Variants in ZNF536 observed in about 807,000 individuals in gnomAD.
The protein encoded by ZNF536 is zinc finger protein 536.
Under a neutral mutation model 84.5 loss-of-function variants are expected in ZNF536, and 13 were observed. The observed-to-expected ratio is 0.15, with a 90% confidence interval of 0.10 to 0.24. ZNF536 has a LOEUF of 0.24. Among genes scored for constraint, ZNF536 ranks in the 10% least tolerant of loss-of-function variants. The pLI is 1.00. For missense variants in ZNF536, 1,536 were observed against 1,747.5 expected (o/e 0.88, Z 2.16); for synonymous variants, 811 against 742.5 (o/e 1.09, Z -1.50).
intron 2 of ZNF536, among the ~76,000 whole-genome samples, chr19:30,321,362 G>A (rs1330204869): frequency 6.6e-6 from 1 of 152,146 alleles, no homozygotes; most frequent in African/African-American, 2.4e-5. Flanking sequence ...TTTGAGACCA[G>A]CCTGGCCATC....
chr19:30,562,159 G>C (rs2046193239), downstream of ZNF536, among the ~76,000 whole-genome samples: 1 of 152,134 alleles, frequency 6.6e-6, no homozygotes, highest in African/African-American at 2.4e-5. Flanking sequence ...CATTCCAGAT[G>C]TCTGCTCCGG....
At chr19:30,333,455 T>G (rs2047281978) in intron 2 of ZNF536, among the ~76,000 whole-genome samples, 1 of 152,156 alleles carries the variant, frequency 6.6e-6, no homozygotes, top group South Asian at 2.1e-4. Context: ...GGGTTGTGGT[T>G]TCTGAGAGCT....
At position 30,569,559 on chromosome 19, in the gene ZNF536, C is replaced by CTTTT. The variant is rs34995610; in HGVS notation, c.169+20072_169+20075dup. Reference sequence around the variant, plus strand: ...ATGGAATCGAAGCCAGATAAACGTTCTTTTTTTTTTTTTTTTTTTTTTTTT... The same window carrying CTTTT: ...ATGGAATCGAAGCCAGATAAACGTTCTTTTTTTTTTTTTTTTTTTTTTTTTTTTT... On this transcript the variant is annotated intron_variant, in intron 1 of 1. Coordinates refer to the ZNF536 transcript ENST00000592773. 3.2e-3 allele frequency among the ~76,000 whole-genome samples: 174 copies of CTTTT among 55,080 alleles called. 23 individuals are homozygous for CTTTT. Among genetic ancestry groups the CTTTT allele is most frequent in the African/African-American group, 7.1e-3 (94 of 13,214 alleles). The allele number at this position is 55,080 out of a possible 152,430, so 36.1% of individuals were successfully genotyped here.
intron 1 of ZNF536, among the ~76,000 whole-genome samples, chr19:30,577,098 C>T (rs950115381): frequency 6.6e-6 from 1 of 152,118 alleles, no homozygotes; most frequent in African/African-American, 2.4e-5. Flanking sequence ...CAAAAGCCAC[C>T]AACTCTTCAA....
At chr19:30,575,339 T>C (rs963138384) in intron 1 of ZNF536, among the ~76,000 whole-genome samples, 5 of 152,164 alleles carry the variant, frequency 3.3e-5, no homozygotes, top group Non-Finnish European at 1.5e-5. Context: ...TGGCATGGTA[T>C]GGTCCCCTAC....
chr19:30,482,657 C>T (rs767574949), intron 2 of ZNF536, among the ~76,000 whole-genome samples: 2 of 152,004 alleles, frequency 1.3e-5, no homozygotes, highest in Non-Finnish European at 2.9e-5. Flanking sequence ...AAGTTATCAT[C>T]AAGATAGGTC....
intron 2 of ZNF536, among the ~76,000 whole-genome samples, chr19:30,447,462 C>A (rs954495709): frequency 6.6e-6 from 1 of 152,152 alleles, no homozygotes; most frequent in Non-Finnish European, 1.5e-5. Flanking sequence ...TGCTTAAATA[C>A]CCATGAAACA....
At chr19:30,666,917 C>T (rs1042623936) in intron 1 of ZNF536, among the ~76,000 whole-genome samples, 16 of 151,504 alleles carry the variant, frequency 1.1e-4, no homozygotes, top group African/African-American at 3.6e-4. Flanking sequence ...TTTTACAGAG[C>T]ATATCAGGCA....
intron 2 of ZNF536, among the ~76,000 whole-genome samples, chr19:30,348,812 T>A (rs2047833722): frequency 7.6e-6 from 1 of 131,536 alleles, no homozygotes; most frequent in Non-Finnish European, 1.7e-5. Flanking sequence ...TTTTTTTCTT[T>A]TCTTTTTTTT....
chr19:30,441,885 C>G (rs111714908), intron 1 of ZNF536, among the ~76,000 whole-genome samples: 1 of 152,202 alleles, frequency 6.6e-6, no homozygotes, highest in Non-Finnish European at 1.5e-5. Flanking sequence ...GTCAGGTCTC[C>G]CATTGGAGAC....
At chr19:30,286,012 G>T (rs2045612010) in intron 2 of ZNF536, among the ~76,000 whole-genome samples, 1 of 152,158 alleles carries the variant, frequency 6.6e-6, no homozygotes, top group South Asian at 2.1e-4. Context: ...TGGGAGAGAA[G>T]ATGTGTGGGT....
At chr19:30,305,382 C>T (rs1386583804) in intron 2 of ZNF536, among the ~76,000 whole-genome samples, 1 of 152,166 alleles carries the variant, frequency 6.6e-6, no homozygotes, top group Non-Finnish European at 1.5e-5. Context: ...GGAAAATGCA[C>T]ACTTCACTGT....
At chr19:30,407,926 C>T (rs1258918071) in intron 1 of ZNF536, among the ~76,000 whole-genome samples, 1 of 152,104 alleles carries the variant, frequency 6.6e-6, no homozygotes, top group Non-Finnish European at 1.5e-5. Flanking sequence ...TTGTCTTTGG[C>T]TCACAGAGGA....
downstream of ZNF536, among the ~76,000 whole-genome samples, chr19:30,559,368 C>T (rs2046076469): frequency 1.3e-5 from 2 of 152,338 alleles, no homozygotes; most frequent in East Asian, 1.9e-4. Flanking sequence ...GGCCAGTTTC[C>T]ACTGCCAGTG....
chr19:30,607,860 C>T (rs1261948184), intron 1 of ZNF536, among the ~76,000 whole-genome samples: 1 of 151,926 alleles, frequency 6.6e-6, no homozygotes, highest in East Asian at 1.9e-4. Flanking sequence ...TAGGTATTTT[C>T]TGCACTTTGC....
rs10554010 is a variant in ZNF536 at position 30,258,695 on chromosome 19, ATATTTATTTATT to A, written c.-189-25354_-189-25343del. Among the ~76,000 whole-genome samples the A allele has an allele frequency of 7.0e-3, 1,021 of 146,618 alleles. 10 individuals are homozygous for A. The highest frequency in any genetic ancestry group is 0.022 in the African/African-American group (896 of 40,124). On this transcript the variant is annotated intron_variant, in intron 1 of 5. Coordinates refer to the ZNF536 transcript ENST00000585628. ...GTCATCAAAAATTTTTATTTTTTAAATATTTATTTATTTATTTATTTATTTATTTATTTAATT... is the reference window on the plus strand; with the variant it reads ...GTCATCAAAAATTTTTATTTTTTAAATATTTATTTATTTATTTATTTAATT...
At chr19:30,528,240 A>G (rs1287666095) in intron 2 of ZNF536, among the ~76,000 whole-genome samples, 1 of 152,228 alleles carries the variant, frequency 6.6e-6, no homozygotes, top group Middle Eastern at 3.4e-3. Flanking sequence ...AATTTTTTTT[A>G]ATGGAAGTCT....
chr19:30,693,306 A>G (rs1187237101), intron 1 of ZNF536, among the ~76,000 whole-genome samples: 5 of 152,174 alleles, frequency 3.3e-5, no homozygotes, highest in Admixed American at 6.5e-5. Context: ...TGCATTATGC[A>G]ATACAGTCCT....
At chr19:30,578,105 G>A (rs2046801489) in intron 1 of ZNF536, among the ~76,000 whole-genome samples, 2 of 152,124 alleles carry the variant, frequency 1.3e-5, no homozygotes, top group African/African-American at 4.8e-5. Context: ...CACCCACCCT[G>A]TATCCTATTT....
Sources: allele counts gnomAD v4.1 joint callset (sites outside exome capture counted in the v4.1 genomes callset), GRCh38; gene constraint gnomAD v4.1.1; transcripts MANE v1.5; gene names NCBI Gene and HGNC (gene_info 2026-07-23, HGNC 2026-07-21).